Variants in RNF17 observed in about 807,000 individuals in gnomAD.
RNF17 encodes spermatogenesis associated 23.
A neutral mutation model predicts 200.5 loss-of-function variants in RNF17; 31 were observed. The observed-to-expected ratio is 0.15, with a 90% CI of 0.12 to 0.21. The LOEUF (loss-of-function observed/expected upper bound fraction) is 0.21, where lower values mean the gene tolerates loss of function less well. Ranked by LOEUF, RNF17 falls within the 10% of genes least tolerant of loss-of-function variation. RNF17 has a pLI of 1.00. For synonymous variants in RNF17, 606 were observed against 637.8 expected, an observed-to-expected ratio of 0.95 and a Z score of 0.75; for missense variants, 1,628 against 1,905.1, an observed-to-expected ratio of 0.85 and a Z score of 2.71.
chr13:24,788,648 ACAGCTT>A (rs1265262872), intron 7 of RNF17, among the ~76,000 whole-genome samples: 2 of 152,144 alleles, frequency 1.3e-5, no homozygotes, highest in Non-Finnish European at 2.9e-5. Flanking sequence ...AAGTCAAGAG[ACAGCTT>A]CAGCCATCTC....
At position 24,781,979 on chromosome 13, in the gene RNF17, G is replaced by A. The variant is rs1263785723; in HGVS notation, c.611+35G>A. ...TTAAAAATATGGACTCAATGAAACT[G>A]AAGTTTCTAACACTAACTTGTCATT... is the stretch of plus-strand genomic sequence containing the variant. On this transcript the variant is annotated intron_variant, in intron 6 of 35. Coordinates refer to ENST00000255324, the MANE Select transcript of RNF17 (RefSeq NM_031277.3). 2.3e-6 allele frequency: 3 copies of A among 1,306,062 alleles called. No individual in the cohort carries two copies. In the East Asian group the frequency reaches 6.9e-5, roughly 30 times the overall value. 80.9% of individuals were successfully genotyped at this position (1,306,062 alleles called of 1,614,324 possible).
chr13:24,835,925 G>A (rs955833797), intron 18 of RNF17, among the ~76,000 whole-genome samples: 2 of 152,174 alleles, frequency 1.3e-5, no homozygotes, highest in Non-Finnish European at 2.9e-5. Flanking sequence ...AATATAAGAA[G>A]TGAAGGGAGA....
the RNF17 span, among the ~76,000 whole-genome samples, chr13:24,887,736 C>T: frequency 1.3e-5 from 2 of 152,162 alleles, no homozygotes; most frequent in Admixed American, 6.5e-5. Flanking sequence ...AAGCCATGCC[C>T]CTTACCCCAG....
At chr13:24,772,777 A>AT (rs1258809318) in intron 2 of RNF17, among the ~76,000 whole-genome samples, 2 of 151,766 alleles carry the variant, frequency 1.3e-5, no homozygotes, top group Admixed American at 1.3e-4. Context: ...CGCCCAGCTA[A>AT]TTTTTTGTAT....
chr13:24,886,364 G>A, the RNF17 span: 12 of 1,289,088 alleles, frequency 9.3e-6, no homozygotes, highest in African/African-American at 6.1e-5. Context: ...GCTGCTGGGC[G>A]TGTGAGGCGG....
the RNF17 span, chr13:24,751,257 A>G: frequency 4.0e-5 from 6 of 151,764 alleles, no homozygotes; most frequent in African/African-American, 7.3e-5. Flanking sequence ...ATCCATCATC[A>G]TCGTCAGCAG....
intron 29 of RNF17, among the ~76,000 whole-genome samples, chr13:24,865,484 T>TA (rs1411977814): frequency 6.6e-6 from 1 of 152,172 alleles, no homozygotes; most frequent in African/African-American, 2.4e-5. Flanking sequence ...TTTAGTACTT[T>TA]AAAAAATATA....
chr13:24,886,285 G>GT, the RNF17 span: 9 of 1,287,662 alleles, frequency 7.0e-6, no homozygotes, highest in East Asian at 3.9e-4. Flanking sequence ...GTTAAAAAGT[G>GT]TAACAGAGCT....
chr13:24,880,730 A>G (rs2138508959), downstream of RNF17, among the ~76,000 whole-genome samples: 1 of 152,230 alleles, frequency 6.6e-6, no homozygotes, highest in East Asian at 1.9e-4. Context: ...TAGTGATGGA[A>G]TTTGCTGGGC....
intron 32 of RNF17, among the ~76,000 whole-genome samples, chr13:24,873,144 T>A (rs1894474908): frequency 6.6e-6 from 1 of 152,078 alleles, no homozygotes; most frequent in Non-Finnish European, 1.5e-5. Flanking sequence ...AGCAAATATT[T>A]ACATCCTTTG....
At chr13:24,875,901 G>A (rs533138187) in intron 33 of RNF17, among the ~76,000 whole-genome samples, 2 of 152,314 alleles carry the variant, frequency 1.3e-5, no homozygotes, top group South Asian at 2.1e-4. Flanking sequence ...GCAGGAAAAC[G>A]CCTGGGAAAG....
chr13:24,878,670 G>C (rs1336909012), intron 34 of RNF17, among the ~76,000 whole-genome samples: 1 of 152,216 alleles, frequency 6.6e-6, no homozygotes, highest in Non-Finnish European at 1.5e-5. Flanking sequence ...ACTTAGGAAG[G>C]AAAGGAGAGC....
At chr13:24,815,584 C>T (rs1368424361) in intron 15 of RNF17, among the ~76,000 whole-genome samples, 2 of 152,080 alleles carry the variant, frequency 1.3e-5, no homozygotes, top group Non-Finnish European at 2.9e-5. Context: ...CCTAATGCCT[C>T]TGGCTAGGAT....
intron 6 of RNF17, among the ~76,000 whole-genome samples, chr13:24,785,430 C>G (rs546826548): frequency 1.3e-5 from 2 of 152,128 alleles, no homozygotes; most frequent in Admixed American, 1.3e-4. Context: ...AGAAAAGATA[C>G]CTTGTAGGAT....
Position 24,802,886 on chromosome 13 carries a change from A to G in RNF17, c.1949+315A>G, listed in dbSNP as rs80008681. Among the ~76,000 whole-genome samples the G allele has an allele frequency of 2.6e-3, 403 of 152,254 alleles. 7 individuals are homozygous for G. In the East Asian group the frequency reaches 0.052, roughly 20 times the overall value. On this transcript the variant is annotated intron_variant, in intron 14 of 35. Coordinates refer to ENST00000255324, the MANE Select transcript of RNF17 (RefSeq NM_031277.3). Reference sequence around the variant, plus strand: ...GGCAACATAGCTAGACCTCGTCTCTACAACGAAATACAAAAAGAAATTAAC... The same window carrying G: ...GGCAACATAGCTAGACCTCGTCTCTGCAACGAAATACAAAAAGAAATTAAC...
chr13:24,864,841 T>A, intron 28 of RNF17, 32 bp from the exon 29 acceptor site: 2 of 1,456,002 alleles, frequency 1.4e-6, no homozygotes, highest in South Asian at 2.4e-5. Flanking sequence ...TGGAGTTTAT[T>A]TTTATGATTA....
At chr13:24,848,198 G>T (rs537154722) in intron 22 of RNF17, among the ~76,000 whole-genome samples, 1 of 152,254 alleles carries the variant, frequency 6.6e-6, no homozygotes, top group South Asian at 2.1e-4. Flanking sequence ...TCTGCTGACT[G>T]TTGAGTTAGG....
chr13:24,773,714 T>A (rs1881131226), intron 2 of RNF17, among the ~76,000 whole-genome samples: 1 of 152,206 alleles, frequency 6.6e-6, no homozygotes, highest in African/African-American at 2.4e-5. Context: ...AAAAAGATAA[T>A]TTCAGTTTCA....
intron 3 of RNF17, among the ~76,000 whole-genome samples, chr13:24,776,398 A>G (rs1192637741): frequency 3.3e-5 from 5 of 152,212 alleles, no homozygotes; most frequent in African/African-American, 4.8e-5. Context: ...CTTATAAAAA[A>G]ACAAAAGAAT....
Sources: allele counts gnomAD v4.1 joint callset (sites outside exome capture counted in the v4.1 genomes callset), GRCh38; gene constraint gnomAD v4.1.1; transcripts MANE v1.5; gene names NCBI Gene and HGNC (gene_info 2026-07-23, HGNC 2026-07-21).